TAF6: variants seen among roughly 807,000 people sequenced by gnomAD.
TAF6 encodes transcription initiation factor TFIID subunit 6.
In TAF6, 50 loss-of-function variants were observed where a neutral mutation model predicts 73.5. The ratio of observed to expected loss-of-function variants is 0.68; its 90% CI spans 0.54 to 0.86. The LOEUF (loss-of-function observed/expected upper bound fraction) is 0.86, where lower values mean the gene tolerates loss of function less well. TAF6 is among the 40% of genes least tolerant of loss of function. The probability of loss-of-function intolerance (pLI) is 0.00; values close to 1 mark genes in which losing one functional copy is unlikely to be tolerated. For missense variants in TAF6, 768 were observed against 899.5 expected (o/e 0.85, Z 1.87); for synonymous variants, 424 against 376.7 (o/e 1.13, Z -1.45).
upstream of TAF6, chr7:100,124,659 T>G: frequency 1.2e-6 from 2 of 1,611,766 alleles, no homozygotes; most frequent in Non-Finnish European, 1.7e-6. Flanking sequence ...ACTCCTCTCC[T>G]GCCAAGCCAT....
At chr7:100,109,284 C>T (rs1796927596) in intron 12 of TAF6, among the ~76,000 whole-genome samples, 1 of 150,476 alleles carries the variant, frequency 6.6e-6, no homozygotes, top group African/African-American at 2.4e-5. Flanking sequence ...GAGATCGCAC[C>T]ACTGCACTCC....
upstream of TAF6, chr7:100,120,054 G>C: frequency 4.1e-6 from 2 of 493,612 alleles, no homozygotes; most frequent in South Asian, 6.5e-5. Context: ...TGCATCCAGA[G>C]AGAGCCTGCA....
intron 1 of TAF6, among the ~76,000 whole-genome samples, chr7:100,117,052 C>T (rs1797727157): frequency 6.6e-6 from 1 of 152,038 alleles, no homozygotes; most frequent in African/African-American, 2.4e-5. Context: ...TCGAGACCAT[C>T]CTGGCCAACA....
intron 12 of TAF6, among the ~76,000 whole-genome samples, chr7:100,109,484 G>A (rs1033895679): frequency 1.3e-5 from 2 of 152,100 alleles, no homozygotes. Flanking sequence ...AAATGCCACA[G>A]GCTGAGCGTG....
intron 4 of TAF6, 48 bp from the exon 5 acceptor site, chr7:100,113,453 G>A (rs887252508): frequency 6.5e-7 from 1 of 1,540,556 alleles, no homozygotes; most frequent in Non-Finnish European, 8.8e-7. Context: ...ATGGACATTG[G>A]GGAGTTGCCC....
chr7:100,124,649 A>G (rs373731246), upstream of TAF6: 1 of 1,610,240 alleles, frequency 6.2e-7, no homozygotes. Context: ...TAAGGGTTGA[A>G]CTCCTCTCCT....
chr7:100,119,789 C>T (rs767756192), upstream of TAF6: 1 of 1,613,968 alleles, frequency 6.2e-7, no homozygotes, highest in Admixed American at 1.7e-5. Flanking sequence ...TTTTTTTGGC[C>T]GTGCACGAGG....
At chr7:100,115,807 C>A (rs928186521) in intron 1 of TAF6, among the ~76,000 whole-genome samples, 5 of 151,926 alleles carry the variant, frequency 3.3e-5, no homozygotes, top group South Asian at 2.1e-4. Flanking sequence ...CCCATCTCTA[C>A]TAAAAATACA....
At chr7:100,122,357 A>T, upstream of TAF6, 4 of 1,614,134 alleles carry the variant, frequency 2.5e-6, no homozygotes, top group Non-Finnish European at 3.4e-6. Flanking sequence ...TACAGGCAAG[A>T]GGAAGAGACA....
chr7:100,121,756 A>AGATGAAGAAACC (rs1256159105), upstream of TAF6, among the ~76,000 whole-genome samples: 2 of 151,018 alleles, frequency 1.3e-5, no homozygotes, highest in East Asian at 4.1e-4. Flanking sequence ...CCCATTATAA[A>AGATGAAGAAACC]GATGAAGAAA....
In TAF6 at chr7:100,107,782, CA is replaced by C. The variant is rs1584531587; in HGVS notation, c.1656+143del. ...AGACCTTGTTCATGCAGGGCAGCTA[CA>C]GCCCTGCAGGACCCTGGTGGGCGCC... On this transcript the variant is annotated intron_variant, in intron 14 of 14. Transcript: ENST00000453269. The C allele has an allele frequency of 8.7e-6, 12 of 1,379,494 alleles. No individual in the cohort carries two copies. In the East Asian group the frequency reaches 2.9e-4, roughly 34 times the overall value. 85.5% of individuals were successfully genotyped at this position (1,379,494 alleles called of 1,614,324 possible).
Position 100,113,612 on chromosome 7 carries a change from C to T in TAF6, c.397+4G>A. ...CCTGCCACCCTGCTCTCCCCTCCCCCAACCTTTGAGGCAGACGTCCAGGGG... is the reference window on the plus strand; with the variant it reads ...CCTGCCACCCTGCTCTCCCCTCCCCTAACCTTTGAGGCAGACGTCCAGGGG... On this transcript the variant is annotated splice_donor_region_variant and intron_variant, in intron 4 of 14. Transcript: ENST00000453269. 6.2e-7 allele frequency: 1 copy of T among 1,613,918 alleles called. No homozygotes were observed. The highest frequency in any genetic ancestry group is 1.3e-5 in the African/African-American group (1 of 75,046).
chr7:100,107,306 T>C lies in TAF6; in HGVS notation c.1974A>G (p.Pro658=), dbSNP rs755216274. 2 of 1,529,020 alleles carry C rather than the reference T, an allele frequency of 1.3e-6. No homozygotes were observed. The highest frequency in any genetic ancestry group is 1.8e-6 in the Non-Finnish European group (2 of 1,139,148). The allele number at this position is 1,529,020 out of a possible 1,614,324, so 94.7% of individuals were successfully genotyped here. Residue 658 remains proline (P), a synonymous_variant, in exon 15 of 15, where the codon CCA becomes CCG. Coordinates refer to ENST00000453269, the MANE Select transcript of TAF6 (RefSeq NM_139315.3). ...QEAGDSPPPA[P]GTPKANGSQP... The stretch of plus-strand genomic sequence containing the variant: ...GGGAGCCATTGGCTTTTGGAGTCCC[T>C]GGAGCTGGAGGGGGACTGTCCCCAG...
Position 100,112,853 on chromosome 7 carries a change from C to T in TAF6, c.519G>A (p.Glu173=), listed in dbSNP as rs766092925. 1.9e-6 allele frequency: 3 copies of T among 1,614,032 alleles called. No homozygotes were observed. The highest frequency in any genetic ancestry group is 1.7e-5 in the Admixed American group (1 of 60,022). The change falls in exon 6 of 15, where the codon GAG becomes GAA. Residue 173 remains glutamate, a synonymous_variant. Coordinates refer to ENST00000453269, the MANE Select transcript of TAF6 (RefSeq NM_139315.3). ...CTTTGCCCTTCAGGGGTCCGTCTTC[C>T]TCCTGGCCTGGCTTGGCTGACTTCA... ...EPLKSAKPGQ[E]EDGPLKGKGQ...
At chr7:100,111,663 T>C in intron 9 of TAF6, 65 bp downstream of exon 9, 1 of 1,535,684 alleles carries the variant, frequency 6.5e-7, no homozygotes, top group Non-Finnish European at 9.0e-7. Context: ...TGCTGACCAC[T>C]GACTTCCTGT....
In TAF6 at chr7:100,108,728, C is replaced by G. The variant is rs141545223; in HGVS notation, c.1285-188G>C. 2.8e-4 allele frequency: 153 copies of G among 553,134 alleles called. 1 individual carries two copies. The East Asian group carries it at 4.8e-3, about 17-fold the overall frequency. The allele number at this position is 553,134 out of a possible 1,614,324, so 34.3% of individuals were successfully genotyped here. On this transcript the variant is annotated intron_variant, in intron 12 of 14. Transcript: ENST00000453269. ...TAGTGTGTGTACAGAACACTGTGGG[C>G]TTTCTCATAAGAAAAGATGGGCACG...
intron 8 of TAF6, 25 bp from the exon 9 acceptor site, chr7:100,111,854 A>T (rs376495822): frequency 1.2e-6 from 2 of 1,613,996 alleles, no homozygotes; most frequent in Non-Finnish European, 1.7e-6. Flanking sequence ...AGTGCTGGGC[A>T]TGGGGCAGGG....
chr7:100,125,814 C>G, the TAF6 span, among the ~76,000 whole-genome samples: 1 of 152,188 alleles, frequency 6.6e-6, no homozygotes, highest in Non-Finnish European at 1.5e-5. Flanking sequence ...GAGGCCGAGG[C>G]AGGCGGATCA....
chr7:100,107,740 TA>T, intron 14 of TAF6, 117 bp from the exon 15 acceptor site: 1 of 1,462,854 alleles, frequency 6.8e-7, no homozygotes, highest in Admixed American at 2.5e-5. Context: ...GTTCACCCTG[TA>T]GACAGCTATG....
Sources: gnomAD v4.1 joint callset for allele counts (sites outside exome capture counted in the v4.1 genomes callset) on GRCh38, gnomAD v4.1.1 for gene constraint, MANE v1.5 for transcripts, NCBI Gene and HGNC (gene_info 2026-07-23, HGNC 2026-07-21) for gene names.